The following DCAF8 variants were observed in gnomAD, a reference collection of about 807,000 sequenced individuals.
The protein encoded by DCAF8 is DDB1 and CUL4 associated factor 8, also known as DDB1- and CUL4-associated factor 8.
A neutral mutation model predicts 68.0 loss-of-function variants in DCAF8; 20 were observed. The ratio of observed to expected loss-of-function variants is 0.29; its 90% CI spans 0.21 to 0.43. The LOEUF is 0.43. Among genes scored for constraint, DCAF8 ranks in the 20% least tolerant of loss-of-function variants. The pLI is 1.00. For synonymous variants in DCAF8, 230 were observed against 276.9 expected (o/e 0.83, Z 1.68); for missense variants, 460 against 771.0 (o/e 0.60, Z 4.78).
intron 4 of DCAF8, 129 bp from the exon 5 acceptor site, chr1:160,238,876 T>C: frequency 1.9e-6 from 2 of 1,068,454 alleles, no homozygotes; most frequent in Non-Finnish European, 1.3e-6. Flanking sequence ...TTAGCTTTCC[T>C]ACTCTTGTAC....
chr1:160,218,206 A>G, intron 13 of DCAF8, 118 bp downstream of exon 13: 1 of 773,470 alleles, frequency 1.3e-6, no homozygotes, highest in Non-Finnish European at 2.3e-6. Flanking sequence ...GACAGAGGAC[A>G]GTGGATAGGA....
At chr1:160,217,770 T>C (rs1200431456) in intron 13 of DCAF8, 62 bp from the exon 14 acceptor site, 1 of 1,354,756 alleles carries the variant, frequency 7.4e-7, no homozygotes, top group Non-Finnish European at 1.0e-6. Flanking sequence ...GCCTGTTAGG[T>C]CTTAGCCAGA....
Position 160,226,610 on chromosome 1 carries a change from TA to T in DCAF8, c.1071-948del, listed in dbSNP as rs202141036. Among the ~76,000 whole-genome samples the T allele has an allele frequency of 3.9e-4, 60 of 152,344 alleles. No homozygotes were observed. In the East Asian group the frequency reaches 0.011, roughly 28 times the overall value. ...CCAGGGACCTTGTTTGATGATTATC[TA>T]ATTTCTCAACCTCTTCCTCATCACC... On this transcript the variant is annotated intron_variant, in intron 7 of 13. Transcript: ENST00000368074.
At chr1:160,230,536 G>C (rs779054504) in intron 7 of DCAF8, among the ~76,000 whole-genome samples, 3 of 152,136 alleles carry the variant, frequency 2.0e-5, no homozygotes, top group Non-Finnish European at 1.5e-5. Context: ...ATAAAAAAAA[G>C]TGGTAGCTCA....
At position 160,217,166 on chromosome 1, in the gene DCAF8, A is replaced by C. The variant is rs2101709685; in HGVS notation, c.*426T>G. On this transcript the variant is annotated 3_prime_UTR_variant, in exon 14 of 14. Transcript: ENST00000368074. Reference sequence around the variant, plus strand: ...AAGAAAAGGTCAAAAACCTAAACCAAAGAGAGAGTGGCACTCCTACCCTCC... The same window carrying C: ...AAGAAAAGGTCAAAAACCTAAACCACAGAGAGAGTGGCACTCCTACCCTCC... 1 of 157,458 alleles carries C rather than the reference A, an allele frequency of 6.4e-6. No individual in the cohort carries two copies. The highest frequency in any genetic ancestry group is 1.9e-4 in the East Asian group (1 of 5,398). 9.8% of individuals were successfully genotyped at this position (157,458 alleles called of 1,614,324 possible). A position where few individuals can be genotyped will look rare whatever the true frequency, so the allele number is the denominator to read the frequency against.
Position 160,216,011 on chromosome 1 carries a change from G to C in DCAF8, c.*1581C>G, listed in dbSNP as rs1016984009. 3.9e-5 allele frequency: 6 copies of C among 152,186 alleles called. No individual in the cohort carries two copies. Among genetic ancestry groups the C allele is most frequent in the Non-Finnish European group, 1.5e-5 (1 of 68,042 alleles). The allele number at this position is 152,186 out of a possible 1,614,324, so 9.4% of individuals were successfully genotyped here. On this transcript the variant is annotated 3_prime_UTR_variant, in exon 14 of 14. Coordinates refer to ENST00000368074, the MANE Select transcript of DCAF8 (RefSeq NM_015726.4). ...GATACAGAATTCTTGGTTGGATCTT[G>C]TGGAACTGGGGGCAAAAAAATAGCA...
chr1:160,259,101 G>A (rs566564185), intron 2 of DCAF8, among the ~76,000 whole-genome samples: 2 of 152,320 alleles, frequency 1.3e-5, no homozygotes, highest in South Asian at 4.1e-4. Flanking sequence ...GAATGACACA[G>A]CTGCTTTCAT....
chr1:160,243,788 A>C (rs1656213865), intron 3 of DCAF8, among the ~76,000 whole-genome samples, 172 bp downstream of exon 3: 1 of 152,244 alleles, frequency 6.6e-6, no homozygotes, highest in Non-Finnish European at 1.5e-5. Flanking sequence ...AATCAGAAGA[A>C]GCAAAAGCAT....
intron 2 of DCAF8, among the ~76,000 whole-genome samples, chr1:160,246,141 C>CA (rs540139494): frequency 1.6e-3 from 231 of 142,574 alleles, no homozygotes; most frequent in East Asian, 3.0e-3. Context: ...AACTCCGTCT[C>CA]AAAAAAAAAA....
At chr1:160,258,311 C>T (rs1286737715) in intron 2 of DCAF8, among the ~76,000 whole-genome samples, 1 of 152,120 alleles carries the variant, frequency 6.6e-6, no homozygotes, top group East Asian at 1.9e-4. Flanking sequence ...AGTGCCACTG[C>T]ACTCTAGGTG....
intron 2 of DCAF8, among the ~76,000 whole-genome samples, chr1:160,251,458 T>C (rs746288912): frequency 1.3e-5 from 2 of 152,200 alleles, no homozygotes; most frequent in Non-Finnish European, 2.9e-5. Flanking sequence ...CACACTCTAA[T>C]AGCATAGTGG....
intron 6 of DCAF8, 45 bp from the exon 7 acceptor site, chr1:160,231,452 C>A: frequency 1.4e-6 from 2 of 1,453,654 alleles, no homozygotes; most frequent in South Asian, 1.1e-5. Flanking sequence ...TCCAAAAGAT[C>A]CAAATGGTCA....
At chr1:160,246,082 G>A (rs1343736523) in intron 2 of DCAF8, among the ~76,000 whole-genome samples, 1 of 151,936 alleles carries the variant, frequency 6.6e-6, no homozygotes, top group Admixed American at 6.5e-5. Flanking sequence ...AGGTTGTGGT[G>A]AGCCGAGATC....
intron 1 of DCAF8, 172 bp from the exon 2 acceptor site, chr1:160,261,530 T>C (rs1657088257): frequency 6.6e-6 from 1 of 152,190 alleles, no homozygotes; most frequent in Admixed American, 6.6e-5. Context: ...GGAAATAAAA[T>C]GAACCAACAT....
At chr1:160,248,873 A>G (rs1006299185) in intron 2 of DCAF8, among the ~76,000 whole-genome samples, 2 of 150,948 alleles carry the variant, frequency 1.3e-5, no homozygotes, top group African/African-American at 4.9e-5. Context: ...ACTCCAGTCT[A>G]CGCAACAGAG....
chr1:160,243,846 C>T, intron 3 of DCAF8, 114 bp downstream of exon 3: 1 of 1,005,950 alleles, frequency 9.9e-7, no homozygotes, highest in Non-Finnish European at 1.5e-6. Flanking sequence ...CTCAGAACAA[C>T]ACAGGAAAGT....
intron 2 of DCAF8, among the ~76,000 whole-genome samples, chr1:160,258,616 A>G (rs943834531): frequency 8.3e-5 from 12 of 144,868 alleles, no homozygotes; most frequent in African/African-American, 3.2e-4. Flanking sequence ...ACAAACAAAC[A>G]AAAAAAAAAC....
rs201359662 is a variant in DCAF8, at chr1:160,218,326, G to A, written c.1675C>T (p.Arg559Trp). The A allele has an allele frequency of 1.9e-6, 3 of 1,612,508 alleles. No individual in the cohort carries two copies. The highest frequency in any genetic ancestry group is 1.7e-5 in the Admixed American group (1 of 60,014). ...ATTCATTTCCAACCCTAGCTTACCC[G>A]GTGATGGCGTCTCTGTCTCAGGTGA... ...MHHLRQRRHH[R>W]RWREPGVGAT... The change falls in exon 13 of 14, where the codon CGG becomes TGG. Residue 559 changes from arginine to tryptophan, a missense_variant and splice_region_variant. By Grantham distance (101) the Arg-to-Trp change is moderately radical. Transcript: ENST00000368074.
At chr1:160,236,275 CAT>C (rs1491548676) in intron 6 of DCAF8, among the ~76,000 whole-genome samples, 5,630 of 142,474 alleles carry the variant, frequency 0.04, 342 homozygotes, top group African/African-American at 0.14. Flanking sequence ...CACACACACA[CAT>C]ACATACACGT....
Sources: gnomAD v4.1 joint callset for allele counts (sites outside exome capture counted in the v4.1 genomes callset) on GRCh38, gnomAD v4.1.1 for gene constraint, MANE v1.5 for transcripts, NCBI Gene and HGNC (gene_info 2026-07-23, HGNC 2026-07-21) for gene names.